The following QKI variants were observed in gnomAD, a reference collection of about 807,000 sequenced individuals.
The protein encoded by QKI is QKI, KH domain containing RNA binding, also known as KH domain-containing RNA-binding protein QKI.
QKI carries 10 observed loss-of-function variants against 39.0 expected under a neutral mutation model. That is an observed-to-expected ratio of 0.26 (90% CI 0.16 to 0.43). QKI has a LOEUF of 0.43. Ranked by LOEUF, QKI falls within the 20% of genes least tolerant of loss-of-function variation. The pLI is 1.00. For synonymous variants in QKI, 204 were observed against 155.4 expected (o/e 1.31, Z -2.33); for missense variants, 218 against 428.0 (o/e 0.51, Z 4.33).
intron 4 of QKI, among the ~76,000 whole-genome samples, chr6:163,540,764 C>T (rs1228796774): frequency 6.6e-6 from 1 of 152,028 alleles, no homozygotes; most frequent in African/African-American, 2.4e-5. Context: ...GATCAGTTTA[C>T]TTTATTCCTT....
rs531941506 is a variant in QKI, at chr6:163,572,092, T to C, written c.*1382T>C. On this transcript the variant is annotated 3_prime_UTR_variant, in exon 8 of 8. Transcript: ENST00000361752. ...TTTGATAACTTTTCTAATGCCTGAC[T>C]AGTAAGTTTTAAAACATCATTCTTT... The C allele has an allele frequency of 6.6e-6, 1 of 152,242 alleles. No individual in the cohort carries two copies. The highest frequency in any genetic ancestry group is 2.1e-4 in the South Asian group (1 of 4,834). The allele number at this position is 152,242 out of a possible 1,614,324, so 9.4% of individuals were successfully genotyped here. A position where few individuals can be genotyped will look rare whatever the true frequency, so the allele number is the denominator to read the frequency against.
At chr6:163,478,583 T>G (rs1383659012) in intron 2 of QKI, among the ~76,000 whole-genome samples, 197 bp from the exon 3 acceptor site, 3 of 152,212 alleles carry the variant, frequency 2.0e-5, no homozygotes, top group African/African-American at 7.2e-5. Flanking sequence ...CTTGTGAAAA[T>G]ATAATGCTAA....
chr6:163,516,457 G>A (rs1324786891), intron 3 of QKI, among the ~76,000 whole-genome samples: 1 of 151,912 alleles, frequency 6.6e-6, no homozygotes, highest in Non-Finnish European at 1.5e-5. Context: ...ACCATGCCCC[G>A]CTGAATTTTG....
At chr6:163,461,683 A>C (rs965541370) in intron 2 of QKI, among the ~76,000 whole-genome samples, 3 of 152,230 alleles carry the variant, frequency 2.0e-5, no homozygotes, top group African/African-American at 7.2e-5. Context: ...TCTGCTTCTC[A>C]GTGCTATCCA....
chr6:163,565,016 T>G (rs1290387108), intron 6 of QKI: 1 of 1,213,568 alleles, frequency 8.2e-7, no homozygotes, highest in Non-Finnish European at 1.0e-6. Flanking sequence ...ATGCTCTGTA[T>G]GTTATCTGTG....
chr6:163,482,868 C>T (rs763713106), intron 3 of QKI, among the ~76,000 whole-genome samples: 6 of 152,098 alleles, frequency 3.9e-5, no homozygotes, highest in Non-Finnish European at 2.9e-5. Context: ...CATTGGTGAT[C>T]GACTCAACAT....
intron 3 of QKI, among the ~76,000 whole-genome samples, chr6:163,484,177 A>G (rs1006609337): frequency 1.3e-5 from 2 of 151,298 alleles, no homozygotes; most frequent in Admixed American, 1.3e-4. Flanking sequence ...CCAATTGTAG[A>G]GCACAGGCAG....
intron 2 of QKI, among the ~76,000 whole-genome samples, chr6:163,478,059 C>T (rs537200885): frequency 2.6e-5 from 4 of 152,088 alleles, no homozygotes; most frequent in Non-Finnish European, 4.4e-5. Flanking sequence ...CGATTTAGCC[C>T]GTTTTTCCTA....
intron 3 of QKI, among the ~76,000 whole-genome samples, chr6:163,490,043 G>C (rs1167572952): frequency 2.0e-5 from 3 of 152,122 alleles, no homozygotes; most frequent in Non-Finnish European, 4.4e-5. Flanking sequence ...GTTTGTTAGA[G>C]GGTTAATCTT....
chr6:163,484,809 A>G (rs1267596029), intron 3 of QKI, among the ~76,000 whole-genome samples: 1 of 152,152 alleles, frequency 6.6e-6, no homozygotes, highest in Non-Finnish European at 1.5e-5. Flanking sequence ...TATGGCAGAC[A>G]TAATAATAAT....
chr6:163,486,930 A>G (rs76165170), intron 3 of QKI, among the ~76,000 whole-genome samples: 3,036 of 152,324 alleles, frequency 0.02, 54 homozygotes, highest in Non-Finnish European at 0.032. Flanking sequence ...GGCAGCATTC[A>G]TAGTGATATG....
At chr6:163,537,666 G>GT (rs1375529688) in intron 4 of QKI, among the ~76,000 whole-genome samples, 1 of 152,158 alleles carries the variant, frequency 6.6e-6, no homozygotes, top group Non-Finnish European at 1.5e-5. Flanking sequence ...CTGTTGGGTA[G>GT]TTTAGACTTT....
intron 2 of QKI, among the ~76,000 whole-genome samples, chr6:163,460,924 C>T (rs1216575277): frequency 6.6e-6 from 1 of 152,128 alleles, no homozygotes; most frequent in Non-Finnish European, 1.5e-5. Context: ...ACACATCTGT[C>T]TTTGATAGTT....
chr6:163,434,237 A>AG (rs1417397203), intron 1 of QKI, among the ~76,000 whole-genome samples: 2 of 152,172 alleles, frequency 1.3e-5, no homozygotes, highest in African/African-American at 4.8e-5. Flanking sequence ...CTGAGATGGA[A>AG]GGGGCCACAT....
chr6:163,506,417 T>C (rs1779096401), intron 3 of QKI, among the ~76,000 whole-genome samples: 1 of 152,198 alleles, frequency 6.6e-6, no homozygotes, highest in Admixed American at 6.5e-5. Context: ...TTCTGTATTT[T>C]GTACAGGACA....
chr6:163,490,926 A>G (rs1318331717), intron 3 of QKI, among the ~76,000 whole-genome samples: 1 of 152,186 alleles, frequency 6.6e-6, no homozygotes, highest in Non-Finnish European at 1.5e-5. Context: ...AATTCAAAAC[A>G]AATATAATCT....
At chr6:163,551,248 A>AT (rs1782221665) in intron 4 of QKI, among the ~76,000 whole-genome samples, 1 of 152,138 alleles carries the variant, frequency 6.6e-6, no homozygotes, top group Non-Finnish European at 1.5e-5. Flanking sequence ...CTGACACCAG[A>AT]TTCCTCAGCA....
rs1435470376 is a variant in QKI, at chr6:163,573,014, C to T, written c.*2304C>T. On this transcript the variant is annotated 3_prime_UTR_variant, in exon 8 of 8. Transcript: ENST00000361752. Reference sequence around the variant, plus strand: ...GAGGTGATAGTTGTTAAAAACAATACCAGTATTTGATCCAGTTTCATCTCA... The same window carrying T: ...GAGGTGATAGTTGTTAAAAACAATATCAGTATTTGATCCAGTTTCATCTCA... 5 of 152,076 alleles carry T rather than the reference C, an allele frequency of 3.3e-5. No individual in the cohort carries two copies. Among genetic ancestry groups the T allele is most frequent in the African/African-American group, 4.8e-5 (2 of 41,390 alleles). 9.4% of individuals were successfully genotyped at this position (152,076 alleles called of 1,614,324 possible). A position where few individuals can be genotyped will look rare whatever the true frequency, so the allele number is the denominator to read the frequency against.
chr6:163,477,724 A>G (rs180803813), intron 2 of QKI, among the ~76,000 whole-genome samples: 11 of 152,338 alleles, frequency 7.2e-5, no homozygotes, highest in African/African-American at 2.4e-4. Context: ...CAGGCGTACT[A>G]CCTACCACCT....
Sources: gnomAD v4.1 joint callset for allele counts (sites outside exome capture counted in the v4.1 genomes callset) on GRCh38, gnomAD v4.1.1 for gene constraint, MANE v1.5 for transcripts, NCBI Gene and HGNC (gene_info 2026-07-23, HGNC 2026-07-21) for gene names.